SORCS3: variants seen among roughly 807,000 people sequenced by gnomAD.
The protein encoded by SORCS3 is VPS10 domain-containing receptor SorCS3.
Under a neutral mutation model 146.3 loss-of-function variants are expected in SORCS3, and 57 were observed. The observed-to-expected ratio is 0.39, with a 90% confidence interval of 0.31 to 0.49. SORCS3 has a LOEUF of 0.49. Among genes scored for constraint, SORCS3 ranks in the 20% least tolerant of loss-of-function variants. The pLI, the probability that SORCS3 is intolerant of heterozygous loss-of-function variation, is 0.92. For missense variants in SORCS3, 1,341 were observed against 1,575.5 expected, an observed-to-expected ratio of 0.85 and a Z score of 2.52; for synonymous variants, 653 against 618.5, an observed-to-expected ratio of 1.06 and a Z score of -0.83.
intron 2 of SORCS3, among the ~76,000 whole-genome samples, chr10:104,872,288 AC>A (rs2133568728): frequency 6.6e-6 from 1 of 152,266 alleles, no homozygotes; most frequent in African/African-American, 2.4e-5. Flanking sequence ...CTCCCCTGTG[AC>A]CTTGGCAAGT....
chr10:105,242,083 G>T (rs1370983199), intron 20 of SORCS3, among the ~76,000 whole-genome samples: 1 of 151,772 alleles, frequency 6.6e-6, no homozygotes, highest in African/African-American at 2.4e-5. Context: ...TAGGCATTTG[G>T]CTGCCTCCTG....
At chr10:104,823,900 G>T (rs2017904152) in intron 1 of SORCS3, among the ~76,000 whole-genome samples, 1 of 152,188 alleles carries the variant, frequency 6.6e-6, no homozygotes, top group African/African-American at 2.4e-5. Flanking sequence ...CTTAAATGGG[G>T]AAGAGGGAGG....
chr10:104,792,136 C>G (rs567793766), intron 1 of SORCS3, among the ~76,000 whole-genome samples: 1 of 152,202 alleles, frequency 6.6e-6, no homozygotes. Context: ...AGAGGGAAGC[C>G]TGGGCCAGTG....
chr10:105,211,951 TG>T (rs2056636678), intron 17 of SORCS3, among the ~76,000 whole-genome samples: 1 of 151,942 alleles, frequency 6.6e-6, no homozygotes, highest in South Asian at 2.1e-4. Flanking sequence ...AGATCTGGGG[TG>T]GTGGGGAAAT....
intron 6 of SORCS3, among the ~76,000 whole-genome samples, chr10:105,094,324 A>G (rs2055730993): frequency 6.6e-6 from 1 of 152,248 alleles, no homozygotes; most frequent in African/African-American, 2.4e-5. Flanking sequence ...ACAGAACTCT[A>G]TGCCAAAAAC....
intron 10 of SORCS3, among the ~76,000 whole-genome samples, chr10:105,158,100 T>C (rs1355601024): frequency 6.6e-6 from 1 of 152,316 alleles, no homozygotes; most frequent in East Asian, 1.9e-4. Flanking sequence ...TTGCTTCAGG[T>C]ACTAGGAGGG....
intron 7 of SORCS3, among the ~76,000 whole-genome samples, chr10:105,124,003 G>T (rs1167454176): frequency 1.3e-5 from 2 of 152,168 alleles, no homozygotes; most frequent in Non-Finnish European, 2.9e-5. Flanking sequence ...CCTAGATTTT[G>T]CTTTTGAGAC....
At chr10:104,922,076 G>A (rs144739383) in intron 3 of SORCS3, among the ~76,000 whole-genome samples, 6 of 152,264 alleles carry the variant, frequency 3.9e-5, no homozygotes, top group East Asian at 1.9e-4. Flanking sequence ...GTGTGTGGTC[G>A]GAGGCTGGTT....
chr10:104,953,237 G>T (rs540365651), intron 3 of SORCS3, among the ~76,000 whole-genome samples: 5 of 152,328 alleles, frequency 3.3e-5, no homozygotes, highest in Admixed American at 6.5e-5. Context: ...TCATGGTGAA[G>T]GCTCTGCTGA....
At chr10:105,036,856 A>C (rs558826585) in intron 4 of SORCS3, among the ~76,000 whole-genome samples, 12 of 152,186 alleles carry the variant, frequency 7.9e-5, no homozygotes, top group African/African-American at 2.7e-4. Flanking sequence ...TTGAAAGACA[A>C]AAGACCATCA....
chr10:105,074,905 T>A (rs1207940432), intron 5 of SORCS3, among the ~76,000 whole-genome samples: 1 of 152,224 alleles, frequency 6.6e-6, no homozygotes, highest in Non-Finnish European at 1.5e-5. Context: ...TGAGATACAA[T>A]TAAAAATGTT....
rs1325016018 is a variant in SORCS3 at position 105,200,052 on chromosome 10, A to G, written c.2063A>G (p.Tyr688Cys). The G allele has an allele frequency of 3.1e-6, 5 of 1,613,632 alleles. No homozygotes were observed. The East Asian group carries it at 8.9e-5, about 29-fold the overall frequency. ...RSEWQLVKVD[Y>C]KSIFSRHCTK... ...GAATGGCAATTGGTGAAAGTGGACT[A>G]CAAATCTATCTTCAGCCGGCATTGC... The change falls in exon 15 of 27, where the codon TAC becomes TGC. Residue 688 changes from tyrosine (Y) to cysteine (C), a missense_variant. Physicochemically the swap from Tyr to Cys is radical, Grantham distance 194 (BLOSUM62 -2). Coordinates refer to ENST00000369701, the MANE Select transcript of SORCS3 (RefSeq NM_014978.3).
intron 3 of SORCS3, among the ~76,000 whole-genome samples, chr10:104,971,167 T>A (rs1376458198): frequency 1.3e-5 from 2 of 152,192 alleles, no homozygotes; most frequent in Non-Finnish European, 2.9e-5. Flanking sequence ...GATTATGCCA[T>A]GGAATGGTTT....
intron 1 of SORCS3, among the ~76,000 whole-genome samples, chr10:104,667,359 T>C (rs1308958959): frequency 6.6e-6 from 1 of 152,220 alleles, no homozygotes; most frequent in Non-Finnish European, 1.5e-5. Context: ...TCCTGAGATC[T>C]TCCTGCCTGC....
At position 104,867,065 on chromosome 10, in the gene SORCS3, G is replaced by C. The variant is rs536038157; in HGVS notation, c.695+24206G>C. ...GGATTCCTGGGGTGGGGACAAGATA[G>C]ACCATGTCTCTGCTCTCGTGGAGTG... On this transcript the variant is annotated intron_variant, in intron 2 of 26. Transcript: ENST00000369701. Among the ~76,000 whole-genome samples, 3 of 152,272 alleles carry C rather than the reference G, an allele frequency of 2.0e-5. No homozygotes were observed. In the South Asian group the frequency reaches 6.2e-4, roughly 32 times the overall value.
chr10:104,973,245 G>T (rs1022146881), intron 3 of SORCS3, among the ~76,000 whole-genome samples: 1 of 151,874 alleles, frequency 6.6e-6, no homozygotes, highest in Non-Finnish European at 1.5e-5. Context: ...TTTTTCTATT[G>T]ATTGGAATAG....
At chr10:104,942,110 T>G (rs1424781868) in intron 3 of SORCS3, among the ~76,000 whole-genome samples, 2 of 152,184 alleles carry the variant, frequency 1.3e-5, no homozygotes, top group Non-Finnish European at 2.9e-5. Flanking sequence ...CTAGACAGTA[T>G]GAGGATCAAA....
intron 7 of SORCS3, among the ~76,000 whole-genome samples, chr10:105,120,690 T>C (rs1008883897): frequency 6.6e-6 from 1 of 152,194 alleles, no homozygotes; most frequent in Non-Finnish European, 1.5e-5. Flanking sequence ...GCAAAGAATA[T>C]TTTCCTTTAA....
At chr10:104,793,267 C>G (rs1589501216) in intron 1 of SORCS3, among the ~76,000 whole-genome samples, 1 of 152,120 alleles carries the variant, frequency 6.6e-6, no homozygotes, top group Non-Finnish European at 1.5e-5. Context: ...TGCCCAAGGT[C>G]ATACAGCCAG....
Sources: gnomAD v4.1 joint callset for allele counts (sites outside exome capture counted in the v4.1 genomes callset) on GRCh38, gnomAD v4.1.1 for gene constraint, MANE v1.5 for transcripts, NCBI Gene and HGNC (gene_info 2026-07-23, HGNC 2026-07-21) for gene names.